The following EXOC2 variants were observed in gnomAD, a reference collection of about 807,000 sequenced individuals.
EXOC2 encodes SEC5-like 1.
Under a neutral mutation model 131.8 loss-of-function variants are expected in EXOC2, and 70 were observed. That is an observed-to-expected ratio of 0.53 (90% CI 0.44 to 0.65). The LOEUF (loss-of-function observed/expected upper bound fraction) is 0.65. Among genes scored for constraint, EXOC2 ranks in the 30% least tolerant of loss-of-function variants. The pLI, the probability that EXOC2 is intolerant of heterozygous loss-of-function variation, is 0.00. For missense variants in EXOC2, 923 were observed against 1,108.6 expected (o/e 0.83, Z 2.38); for synonymous variants, 411 against 398.4 (o/e 1.03, Z -0.38).
intron 4 of EXOC2, among the ~76,000 whole-genome samples, chr6:623,225 G>T (rs1047764645): frequency 6.6e-6 from 1 of 152,196 alleles, no homozygotes; most frequent in East Asian, 1.9e-4. Context: ...GAGCAGGGAG[G>T]CCCAAGCCCC....
At chr6:504,591 CAGAA>C (rs752042047) in intron 23 of EXOC2, among the ~76,000 whole-genome samples, 3 of 152,174 alleles carry the variant, frequency 2.0e-5, no homozygotes, top group Admixed American at 6.5e-5. Flanking sequence ...ATTGAGGTGA[CAGAA>C]AGAACACTTG....
intron 22 of EXOC2, among the ~76,000 whole-genome samples, chr6:535,014 G>A (rs1319216306): frequency 6.6e-6 from 1 of 152,108 alleles, no homozygotes; most frequent in Non-Finnish European, 1.5e-5. Context: ...AGCTGAAAAT[G>A]TTTTAAAAGA....
chr6:568,553 A>G (rs1459646542), intron 13 of EXOC2, among the ~76,000 whole-genome samples: 3 of 152,188 alleles, frequency 2.0e-5, no homozygotes, highest in Non-Finnish European at 4.4e-5. Context: ...GTGTGAGTGC[A>G]GGGATAGGCA....
At chr6:673,623 T>C (rs1000030068) in intron 1 of EXOC2, among the ~76,000 whole-genome samples, 2 of 152,180 alleles carry the variant, frequency 1.3e-5, no homozygotes, top group Non-Finnish European at 2.9e-5. Context: ...ATTTACTAGA[T>C]GCCATCGGCA....
intron 1 of EXOC2, among the ~76,000 whole-genome samples, chr6:678,739 C>A (rs541694222): frequency 6.6e-6 from 1 of 152,320 alleles, no homozygotes; most frequent in East Asian, 1.9e-4. Flanking sequence ...AAAGCCACAG[C>A]ACTGCACTAC....
At chr6:534,461 G>C (rs576888133) in intron 22 of EXOC2, among the ~76,000 whole-genome samples, 6 of 151,982 alleles carry the variant, frequency 3.9e-5, no homozygotes, top group African/African-American at 1.5e-4. Flanking sequence ...GAGAGACAGA[G>C]ACAGACTGAC....
chr6:580,240 C>CT (rs1441497636), intron 11 of EXOC2, among the ~76,000 whole-genome samples: 6 of 152,276 alleles, frequency 3.9e-5, no homozygotes, highest in Non-Finnish European at 8.8e-5. Context: ...CAGGGTTTCA[C>CT]TATGTTGGCC....
At chr6:622,545 T>C (rs574973296) in intron 4 of EXOC2, among the ~76,000 whole-genome samples, 1 of 152,216 alleles carries the variant, frequency 6.6e-6, no homozygotes, top group South Asian at 2.1e-4. Flanking sequence ...TGTGACACAA[T>C]GGTAGCAAGT....
intron 1 of EXOC2, among the ~76,000 whole-genome samples, chr6:651,707 C>G (rs535783180): frequency 6.6e-6 from 1 of 151,456 alleles, no homozygotes; most frequent in East Asian, 2.0e-4. Context: ...ATAAAGTCTA[C>G]AGAAGTGCTC....
At chr6:583,382 G>A (rs1406973450) in intron 11 of EXOC2, among the ~76,000 whole-genome samples, 1 of 152,104 alleles carries the variant, frequency 6.6e-6, no homozygotes. Flanking sequence ...AGAACCAGCT[G>A]CTACAATCAC....
intron 23 of EXOC2, among the ~76,000 whole-genome samples, chr6:531,285 T>C (rs1766061669): frequency 1.4e-5 from 2 of 143,674 alleles, no homozygotes; most frequent in Admixed American, 7.0e-5. Flanking sequence ...GGTTTTACTA[T>C]CATGAGAAGA....
At chr6:541,081 T>G (rs1351731324) in intron 22 of EXOC2, among the ~76,000 whole-genome samples, 1 of 152,204 alleles carries the variant, frequency 6.6e-6, no homozygotes, top group African/African-American at 2.4e-5. Context: ...ACTGTCCACA[T>G]ATGAGCTTAC....
chr6:489,057 C>T lies in EXOC2; in HGVS notation c.2622-19G>A. On this transcript the variant is annotated intron_variant, in intron 26 of 27. Transcript: ENST00000230449. Reference sequence around the variant, plus strand: ...ACTTGACCTGAAACACAAACAGCCACACTGAAGTTGAAGCCTTGCACAGGA... The same window carrying T: ...ACTTGACCTGAAACACAAACAGCCATACTGAAGTTGAAGCCTTGCACAGGA... The T allele has an allele frequency of 2.5e-6, 4 of 1,613,450 alleles. No homozygotes were observed. The highest frequency in any genetic ancestry group is 3.4e-6 in the Non-Finnish European group (4 of 1,179,592).
intron 5 of EXOC2, among the ~76,000 whole-genome samples, chr6:619,040 C>T (rs1761152736): frequency 6.6e-6 from 1 of 152,092 alleles, no homozygotes; most frequent in Non-Finnish European, 1.5e-5. Context: ...CTTCCTTTGC[C>T]CTATGGTCAG....
chr6:619,308 C>T, intron 5 of EXOC2, 122 bp downstream of exon 5: 3 of 661,960 alleles, frequency 4.5e-6, no homozygotes, highest in South Asian at 2.4e-5. Context: ...AGTCAAAGAG[C>T]TCGCAGACCT....
At position 576,796 on chromosome 6, in the gene EXOC2, G is replaced by C. The variant is rs761884075; in HGVS notation, c.1279C>G (p.Leu427Val). ...GACTGAAAGCTGCTGCCCCTCTTCA[G>C]GGACGCTGTCTGACTGAGATGGCCC... is the stretch of plus-strand genomic sequence containing the variant. ...VLGHLSQTAS[L>V]KRGSSFQSGR... Residue 427 changes from leucine to valine, a missense_variant, in exon 12 of 28, where the codon CTG becomes GTG. Transcript: ENST00000230449. 13 of 1,614,138 alleles carry C rather than the reference G, an allele frequency of 8.1e-6. No individual in the cohort carries two copies. The highest frequency in any genetic ancestry group is 1.1e-5 in the Non-Finnish European group (13 of 1,180,016).
chr6:656,466 G>A lies in EXOC2; in HGVS notation c.-43-18605C>T, dbSNP rs773687295. 24 of 1,612,110 alleles carry A rather than the reference G, an allele frequency of 1.5e-5. No individual in the cohort carries two copies. The highest frequency in any genetic ancestry group is 1.6e-4 in the Middle Eastern group (1 of 6,082). ...GATGCTCCTCAGCGTCCTCCAGCGCGGCAGGCGGATGCTCGCGTCGGAGGC... is the reference window on the plus strand; with the variant it reads ...GATGCTCCTCAGCGTCCTCCAGCGCAGCAGGCGGATGCTCGCGTCGGAGGC... On this transcript the variant is annotated intron_variant, in intron 1 of 27. Transcript: ENST00000230449.
At chr6:589,275 G>A (rs189701128) in intron 11 of EXOC2, among the ~76,000 whole-genome samples, 115 of 152,134 alleles carry the variant, frequency 7.6e-4, no homozygotes, top group African/African-American at 2.6e-3. Flanking sequence ...TCGAGCACCC[G>A]CACGGTGTCT....
At chr6:512,115 G>A (rs1413686118) in intron 23 of EXOC2, among the ~76,000 whole-genome samples, 1 of 152,252 alleles carries the variant, frequency 6.6e-6, no homozygotes, top group African/African-American at 2.4e-5. Flanking sequence ...CTGCCCTTTT[G>A]TCAGCAGGGG....
Sources: gnomAD v4.1 joint callset for allele counts (sites outside exome capture counted in the v4.1 genomes callset) on GRCh38, gnomAD v4.1.1 for gene constraint, MANE v1.5 for transcripts, NCBI Gene and HGNC (gene_info 2026-07-23, HGNC 2026-07-21) for gene names.